Variants in CALCB observed in about 807,000 individuals in gnomAD.
CALCB encodes calcitonin gene-related peptide 2.
In CALCB, 8 loss-of-function variants were observed where a neutral mutation model predicts 10.7. The ratio of observed to expected loss-of-function variants is 0.75; its 90% confidence interval spans 0.44 to 1.34. CALCB has a LOEUF of 1.34. Among genes scored for constraint, CALCB ranks in the 40% most tolerant of loss-of-function variants. The pLI is 0.01. For synonymous variants in CALCB, 76 were observed against 66.9 expected (o/e 1.14, Z -0.66); for missense variants, 176 against 162.5 (o/e 1.08, Z -0.45).
rs773505453 is a variant in CALCB at position 15,075,170 on chromosome 11, A to C, written c.196A>C (p.Lys66Gln). ...DYVQMKASEL[K>Q]QEQETQGSSS... ...TGTGCAGATGAAGGCCAGTGAGCTG[A>C]AGCAGGAGCAGGAGACACAGGGCTC... is the stretch of plus-strand genomic sequence containing the variant. Residue 66 changes from lysine to glutamine, a missense_variant, in exon 3 of 5, where the codon AAG (lysine) becomes CAG (glutamine). Coordinates refer to ENST00000324229, the MANE Select transcript of CALCB (RefSeq NM_000728.4). 7.4e-6 allele frequency: 12 copies of C among 1,614,058 alleles called. No individual in the cohort carries two copies. The East Asian group carries it at 1.3e-4, about 18-fold the overall frequency.
rs980906726 is a variant in CALCB, at chr11:15,078,444, G to C, written c.*387G>C. The C allele has an allele frequency of 2.0e-5, 3 of 152,100 alleles. No homozygotes were observed. Among genetic ancestry groups the C allele is most frequent in the Admixed American group, 1.3e-4 (2 of 15,282 alleles). 9.4% of individuals were successfully genotyped at this position (152,100 alleles called of 1,614,324 possible). ...CATGGTAATGGTGATGCTGTGCCTT[G>C]TTATCTAAGAACATGATTGTATAAT... is the stretch of plus-strand genomic sequence containing the variant. On this transcript the variant is annotated 3_prime_UTR_variant, in exon 5 of 5. Coordinates refer to ENST00000324229, the MANE Select transcript of CALCB (RefSeq NM_000728.4).
At chr11:15,073,899 T>C (rs1271287630) in intron 1 of CALCB, among the ~76,000 whole-genome samples, 2 of 152,244 alleles carry the variant, frequency 1.3e-5, no homozygotes, top group Non-Finnish European at 2.9e-5. Flanking sequence ...GCGTGGGCGC[T>C]GGAAGCGCAG....
rs1286781642 is a variant in CALCB, at chr11:15,073,650, ACT to A, written c.-20_-19del. ...GACCGGCCGCTCGCGCTGCCCTGAA[ACT>A]CTAGTCGCCAGGTGAGGAACTTCCC... On this transcript the variant is annotated 5_prime_UTR_variant, in exon 1 of 5. Coordinates refer to ENST00000324229, the MANE Select transcript of CALCB (RefSeq NM_000728.4). 1 of 151,832 alleles carries A rather than the reference ACT, an allele frequency of 6.6e-6. No individual in the cohort carries two copies. Among genetic ancestry groups the A allele is most frequent in the East Asian group, 1.9e-4 (1 of 5,162 alleles). 9.4% of individuals were successfully genotyped at this position (151,832 alleles called of 1,614,324 possible). A position where few individuals can be genotyped will look rare whatever the true frequency, so the allele number is the denominator to read the frequency against.
In CALCB at chr11:15,077,294, C is replaced by T; in HGVS notation, c.233C>T (p.Ala78Val). 6.2e-7 allele frequency: 1 copy of T among 1,614,156 alleles called. No individual in the cohort carries two copies. Residue 78 changes from alanine (A) to valine (V), a missense_variant, in exon 4 of 5, where the codon GCC becomes GTC. Physicochemically the swap from Ala to Val is moderately conservative, Grantham distance 64. Coordinates refer to ENST00000324229, the MANE Select transcript of CALCB (RefSeq NM_000728.4). ...EQETQGSSSA[A>V]QKRACNTATC... ...TCTATCTTGCAAATCAGCTCCGCTG[C>T]CCAGAAGAGAGCCTGCAACACTGCC...
rs1469243381 is a variant in CALCB, at chr11:15,078,377, AG to A, written c.*325del. On this transcript the variant is annotated 3_prime_UTR_variant, in exon 5 of 5. Coordinates refer to ENST00000324229, the MANE Select transcript of CALCB (RefSeq NM_000728.4). ...TGATCATGCAGCTCCACCAAACCTT[AG>A]GGGGACGTGAAATCACTGCCTGTTG... is the stretch of plus-strand genomic sequence containing the variant. 1 of 152,200 alleles carries A rather than the reference AG, an allele frequency of 6.6e-6. No homozygotes were observed. Among genetic ancestry groups the A allele is most frequent in the Non-Finnish European group, 1.5e-5 (1 of 68,030 alleles). 9.4% of individuals were successfully genotyped at this position (152,200 alleles called of 1,614,324 possible). A position where few individuals can be genotyped will look rare whatever the true frequency, so the allele number is the denominator to read the frequency against.
chr11:15,076,521 G>T (rs1894128), intron 3 of CALCB, among the ~76,000 whole-genome samples: 34,243 of 152,180 alleles, frequency 0.23, 4,647 homozygotes, highest in Admixed American at 0.37. Flanking sequence ...GAAGACAGCA[G>T]GACTTACTGA....
chr11:15,074,335 C>A (rs1331552610), intron 1 of CALCB, among the ~76,000 whole-genome samples: 3 of 152,234 alleles, frequency 2.0e-5, no homozygotes, highest in Non-Finnish European at 4.4e-5. Context: ...CGAAGCCCAG[C>A]AGAGGAGAAG....
At position 15,077,166 on chromosome 11, in the gene CALCB, A is replaced by G. The variant is rs1850402881; in HGVS notation, c.225-120A>G. 4 of 1,102,192 alleles carry G rather than the reference A, an allele frequency of 3.6e-6. No individual in the cohort carries two copies. In the South Asian group the frequency reaches 4.5e-5, roughly 12 times the overall value. The allele number at this position is 1,102,192 out of a possible 1,614,324, so 68.3% of individuals were successfully genotyped here. A position where few individuals can be genotyped will look rare whatever the true frequency, so the allele number is the denominator to read the frequency against. ...TTCCCCTAACAGCTTTGATAATTGC[A>G]TTTTCGAGAAACACTTACTGTTAGG... On this transcript the variant is annotated intron_variant, in intron 3 of 4. Transcript: ENST00000324229.
At chr11:15,077,518 T>TA (rs1480078864) in intron 4 of CALCB, 48 bp downstream of exon 4, 1 of 1,563,308 alleles carries the variant, frequency 6.4e-7, no homozygotes, top group Non-Finnish European at 8.7e-7. Context: ...GACTTGGAGT[T>TA]AAAACCTACA....
In CALCB at chr11:15,075,090, C is replaced by G; in HGVS notation, c.116C>G (p.Ala39Gly). 1 of 1,614,220 alleles carries G rather than the reference C, an allele frequency of 6.2e-7. No individual in the cohort carries two copies. The highest frequency in any genetic ancestry group is 1.1e-5 in the South Asian group (1 of 91,086). The change falls in exon 3 of 5, where the codon GCC becomes GGC. Residue 39 changes from alanine to glycine, a missense_variant. Ala to Gly is a moderately conservative substitution (Grantham distance 60). Transcript: ENST00000324229. Reference sequence around the variant, plus strand: ...GCCCTGGAGAGCAGCCCAGACCCGGCCACACTCAGTAAAGAGGACGCGCGC... The same window carrying G: ...GCCCTGGAGAGCAGCCCAGACCCGGGCACACTCAGTAAAGAGGACGCGCGC... ...RSALESSPDP[A>G]TLSKEDARLL... is the part of the protein sequence containing the mutation.
chr11:15,075,635 A>C (rs1456715162), intron 3 of CALCB, among the ~76,000 whole-genome samples: 1 of 152,190 alleles, frequency 6.6e-6, no homozygotes, highest in Non-Finnish European at 1.5e-5. Flanking sequence ...TCACATGTGC[A>C]TGCCATTCTT....
rs757325392 is a variant in CALCB at position 15,077,447 on chromosome 11, C to T, written c.*2C>T. The T allele has an allele frequency of 6.2e-7, 1 of 1,614,100 alleles. No homozygotes were observed. Among genetic ancestry groups the T allele is most frequent in the African/African-American group, 1.3e-5 (1 of 75,048 alleles). On this transcript the variant is annotated 3_prime_UTR_variant, in exon 4 of 5. Transcript: ENST00000324229. ...CGCCGCAGGGACCTTCAAGCCTGAGCAGATGAATGACTCCAGGAAGAAGGT... is the reference window on the plus strand; with the variant it reads ...CGCCGCAGGGACCTTCAAGCCTGAGTAGATGAATGACTCCAGGAAGAAGGT...
chr11:15,075,071 G>C lies in CALCB; in HGVS notation c.97G>C (p.Glu33Gln). The C allele has an allele frequency of 6.2e-7, 1 of 1,614,192 alleles. No individual in the cohort carries two copies. Among genetic ancestry groups the C allele is most frequent in the South Asian group, 1.1e-5 (1 of 91,090 alleles). Residue 33 changes from glutamate to glutamine, a missense_variant, in exon 3 of 5, where the codon GAG (glutamate) becomes CAG (glutamine). Coordinates refer to ENST00000324229, the MANE Select transcript of CALCB (RefSeq NM_000728.4). ...GCTTCCCTTCCACAGGTCTGCCCTG[G>C]AGAGCAGCCCAGACCCGGCCACACT... ...LQAAPFRSAL[E>Q]SSPDPATLSK...
chr11:15,078,047 C>G (rs1407349320), intron 4 of CALCB, 36 bp from the exon 5 acceptor site: 1 of 152,086 alleles, frequency 6.6e-6, no homozygotes, highest in South Asian at 2.1e-4. Context: ...TCCTCCCCTT[C>G]TTCTCCCTCC....
rs886949629 is a variant in CALCB at position 15,077,561 on chromosome 11, G to C, written c.*25+91G>C. 7 of 1,297,736 alleles carry C rather than the reference G, an allele frequency of 5.4e-6. No homozygotes were observed. The African/African-American group carries it at 8.9e-5, about 17-fold the overall frequency. The allele number at this position is 1,297,736 out of a possible 1,614,324, so 80.4% of individuals were successfully genotyped here. ...AACCTCTGCTCTGGTAGGTTCTTTA[G>C]GTTCCTTCTGTCCAGTTACATTGTT... On this transcript the variant is annotated intron_variant, in intron 4 of 4. Transcript: ENST00000324229.
At chr11:15,074,213 G>A (rs1850373461) in intron 1 of CALCB, among the ~76,000 whole-genome samples, 1 of 152,262 alleles carries the variant, frequency 6.6e-6, no homozygotes, top group South Asian at 2.1e-4. Context: ...TTGCGGGCGA[G>A]TCCTGAGACA....
At chr11:15,074,625 T>C (rs1340907040) in intron 1 of CALCB, 85 bp from the exon 2 acceptor site, 4 of 1,033,198 alleles carry the variant, frequency 3.9e-6, no homozygotes, top group East Asian at 2.4e-5. Context: ...GTAACGTGCC[T>C]AAGGTCACAT....
intron 4 of CALCB, 105 bp downstream of exon 4, chr11:15,077,575 A>G (rs1850407852): frequency 7.0e-6 from 8 of 1,150,042 alleles, no homozygotes; most frequent in Non-Finnish European, 4.9e-6. Context: ...CCTTCTGTCC[A>G]GTTACATTGT....
Position 15,075,090 on chromosome 11 carries a change from C to A in CALCB, c.116C>A (p.Ala39Asp). ...GCCCTGGAGAGCAGCCCAGACCCGG[C>A]CACACTCAGTAAAGAGGACGCGCGC... ...RSALESSPDPATLSKEDARLL... is the reference protein window; with the variant it reads ...RSALESSPDPDTLSKEDARLL... Residue 39 changes from alanine to aspartate, a missense_variant, in exon 3 of 5, where the codon GCC becomes GAC. Transcript: ENST00000324229. 1 of 1,614,220 alleles carries A rather than the reference C, an allele frequency of 6.2e-7. No homozygotes were observed. The highest frequency in any genetic ancestry group is 1.3e-5 in the African/African-American group (1 of 75,056).
Sources: allele counts gnomAD v4.1 joint callset (sites outside exome capture counted in the v4.1 genomes callset), GRCh38; gene constraint gnomAD v4.1.1; transcripts MANE v1.5; gene names NCBI Gene and HGNC (gene_info 2026-07-23, HGNC 2026-07-21).